The following SGCZ variants were observed in gnomAD, a reference collection of about 807,000 sequenced individuals.
SGCZ encodes the protein sarcoglycan zeta, also known as zeta-sarcoglycan.
In SGCZ, 40 loss-of-function variants were observed where a neutral mutation model predicts 41.3. The observed-to-expected ratio is 0.97, with a 90% CI of 0.75 to 1.26. The LOEUF (loss-of-function observed/expected upper bound fraction) is 1.26, where lower values mean the gene tolerates loss of function less well. Ranked by LOEUF, SGCZ falls within the 50% of genes most tolerant of loss-of-function variation. SGCZ has a pLI of 0.00. For synonymous variants in SGCZ, 206 were observed against 137.5 expected (o/e 1.50, Z -3.49); for missense variants, 552 against 369.8 (o/e 1.49, Z -4.04).
Position 14,796,392 on chromosome 8 carries a change from T to G in SGCZ, c.40-241466A>C, listed in dbSNP as rs187542491. Among the ~76,000 whole-genome samples the G allele has an allele frequency of 1.0e-3, 154 of 152,232 alleles. 1 individual carries two copies. Among genetic ancestry groups the G allele is most frequent in the African/African-American group, 3.5e-3 (147 of 41,500 alleles). ...CCTTGGCGTCTCAAGTTGCTGGTAT[T>G]ACAGGTGTGAGCCAGCATACTCATT... On this transcript the variant is annotated intron_variant, in intron 1 of 7. Coordinates refer to ENST00000382080, the MANE Select transcript of SGCZ (RefSeq NM_139167.4).
At chr8:14,891,084 G>C (rs1379530304) in intron 1 of SGCZ, among the ~76,000 whole-genome samples, 1 of 152,162 alleles carries the variant, frequency 6.6e-6, no homozygotes, top group African/African-American at 2.4e-5. Context: ...GATACACAAG[G>C]AGATTAATGT....
At chr8:15,154,743 G>A (rs947647140) in intron 1 of SGCZ, among the ~76,000 whole-genome samples, 3 of 152,136 alleles carry the variant, frequency 2.0e-5, no homozygotes, top group Non-Finnish European at 4.4e-5. Context: ...AAAAATGGGA[G>A]TATTTAGTAA....
At chr8:14,587,683 T>A (rs571844929) in intron 1 of SGCZ, among the ~76,000 whole-genome samples, 1 of 152,310 alleles carries the variant, frequency 6.6e-6, no homozygotes, top group East Asian at 1.9e-4. Context: ...ATGTAATACT[T>A]CACCTCTCTT....
intron 3 of SGCZ, among the ~76,000 whole-genome samples, chr8:14,269,930 C>A (rs1800004602): frequency 1.3e-5 from 2 of 151,906 alleles, no homozygotes; most frequent in Admixed American, 1.3e-4. Context: ...TCTTTGTTAA[C>A]AAAGGGAGAA....
At chr8:14,747,964 G>T (rs1249507075) in intron 1 of SGCZ, among the ~76,000 whole-genome samples, 5 of 149,988 alleles carry the variant, frequency 3.3e-5, no homozygotes, top group African/African-American at 9.8e-5. Flanking sequence ...GAACTCAGGT[G>T]ATTCACCCAC....
chr8:14,873,724 T>C (rs573031464), intron 1 of SGCZ, among the ~76,000 whole-genome samples: 2 of 152,250 alleles, frequency 1.3e-5, no homozygotes, highest in African/African-American at 4.8e-5. Context: ...CCCAGCTCCT[T>C]CCACTGATTT....
intron 2 of SGCZ, among the ~76,000 whole-genome samples, chr8:14,464,835 T>G (rs1340078317): frequency 1.3e-5 from 2 of 151,664 alleles, no homozygotes; most frequent in African/African-American, 4.8e-5. Flanking sequence ...GATTTTATCT[T>G]TTGATCATTG....
chr8:14,410,693 C>G (rs4831587), intron 2 of SGCZ, among the ~76,000 whole-genome samples: 67,729 of 151,724 alleles, frequency 0.45, 16,498 homozygotes, highest in African/African-American at 0.66. Context: ...GGGTTGATAG[C>G]TGCAGCAAAC....
At chr8:14,756,739 C>A (rs539956761) in intron 1 of SGCZ, among the ~76,000 whole-genome samples, 4 of 152,128 alleles carry the variant, frequency 2.6e-5, no homozygotes, top group African/African-American at 9.6e-5. Context: ...AAATATTAAA[C>A]CTATTGAAAC....
chr8:14,340,186 A>C (rs1179128766), intron 2 of SGCZ, among the ~76,000 whole-genome samples: 1 of 151,946 alleles, frequency 6.6e-6, no homozygotes, highest in Non-Finnish European at 1.5e-5. Flanking sequence ...TCATTTTTCT[A>C]AAGGTTCTTA....
intron 3 of SGCZ, among the ~76,000 whole-genome samples, chr8:14,262,529 G>C (rs186023110): frequency 3.0e-4 from 45 of 152,068 alleles, no homozygotes; most frequent in African/African-American, 1.0e-3. Flanking sequence ...GGAATAATTA[G>C]AGCAATTCAG....
At chr8:14,792,520 G>A (rs1240216502) in intron 1 of SGCZ, among the ~76,000 whole-genome samples, 1 of 151,940 alleles carries the variant, frequency 6.6e-6, no homozygotes, top group Non-Finnish European at 1.5e-5. Flanking sequence ...ATAATCACTT[G>A]TGCCATCATT....
intron 1 of SGCZ, among the ~76,000 whole-genome samples, chr8:14,742,595 A>C (rs1799226605): frequency 6.6e-6 from 1 of 152,062 alleles, no homozygotes; most frequent in Non-Finnish European, 1.5e-5. Context: ...CCATTTAATA[A>C]AATTGTACCT....
intron 1 of SGCZ, among the ~76,000 whole-genome samples, chr8:14,731,341 C>T (rs1810231845): frequency 6.7e-6 from 1 of 148,460 alleles, no homozygotes; most frequent in African/African-American, 2.5e-5. Context: ...ACAATGAGAA[C>T]ATGTGGACAC....
In SGCZ at chr8:14,093,696, C is replaced by A. The variant is rs186498448; in HGVS notation, c.745-3059G>T. On this transcript the variant is annotated intron_variant, in intron 7 of 7. Coordinates refer to ENST00000382080, the MANE Select transcript of SGCZ (RefSeq NM_139167.4). Reference sequence around the variant, plus strand: ...AGACTACTGCACACTACAATTAAGCCAGAAAAAGAATTCATATATCATAAG... The same window carrying A: ...AGACTACTGCACACTACAATTAAGCAAGAAAAAGAATTCATATATCATAAG... Among the ~76,000 whole-genome samples the A allele has an allele frequency of 1.6e-4, 24 of 151,992 alleles. No homozygotes were observed. In the South Asian group the frequency reaches 4.4e-3, roughly 28 times the overall value.
Position 14,645,464 on chromosome 8 carries a change from T to TTA in SGCZ, c.40-90540_40-90539dup, listed in dbSNP as rs879502988. Among the ~76,000 whole-genome samples, 660 of 105,196 alleles carry TTA rather than the reference T, an allele frequency of 6.3e-3. 7 individuals carry two copies. The highest frequency in any genetic ancestry group is 0.01 in the Admixed American group (91 of 8,854). The allele number at this position is 105,196 out of a possible 152,430, so 69.0% of individuals were successfully genotyped here. ...TGACCAATTAGAAAAGTATCATTGA[T>TTA]TATATATATATATTTATATGTATAT... On this transcript the variant is annotated intron_variant, in intron 1 of 7. Coordinates refer to ENST00000382080, the MANE Select transcript of SGCZ (RefSeq NM_139167.4).
chr8:15,103,270 G>A (rs11785699), intron 1 of SGCZ, among the ~76,000 whole-genome samples: 7,035 of 152,064 alleles, frequency 0.046, 225 homozygotes, highest in Non-Finnish European at 0.07. Context: ...GCATGATGGC[G>A]CATGCCTGTA....
chr8:14,771,192 G>A (rs1800225527), intron 1 of SGCZ, among the ~76,000 whole-genome samples: 1 of 152,070 alleles, frequency 6.6e-6, no homozygotes, highest in African/African-American at 2.4e-5. Context: ...TCAGTGCAAT[G>A]GAAATATTGA....
At chr8:14,385,539 G>C (rs780260752) in intron 2 of SGCZ, among the ~76,000 whole-genome samples, 1 of 152,136 alleles carries the variant, frequency 6.6e-6, no homozygotes, top group Non-Finnish European at 1.5e-5. Context: ...TCGATAGAAT[G>C]AAGTTAGAAA....
Sources: allele counts gnomAD v4.1 joint callset (sites outside exome capture counted in the v4.1 genomes callset), GRCh38; gene constraint gnomAD v4.1.1; transcripts MANE v1.5; gene names NCBI Gene and HGNC (gene_info 2026-07-23, HGNC 2026-07-21).